Variants in CABCOCO1 observed in about 807,000 individuals in gnomAD.
The protein encoded by CABCOCO1 is ciliary associated calcium binding coiled-coil 1.
A neutral mutation model predicts 35.7 loss-of-function variants in CABCOCO1; 28 were observed. The observed-to-expected ratio is 0.78, with a 90% CI of 0.58 to 1.07. The LOEUF is 1.07. Ranked by LOEUF, CABCOCO1 falls within the 50% of genes least tolerant of loss-of-function variation. CABCOCO1 has a pLI of 0.00. For synonymous variants in CABCOCO1, 95 were observed against 100.1 expected (o/e 0.95, Z 0.30); for missense variants, 326 against 309.2 (o/e 1.05, Z -0.41).
intron 5 of CABCOCO1, among the ~76,000 whole-genome samples, chr10:61,750,315 GCCTGT>G (rs1259855990): frequency 6.6e-6 from 1 of 152,220 alleles, no homozygotes; most frequent in Non-Finnish European, 1.5e-5. Flanking sequence ...AGTGGCTCAT[GCCTGT>G]CATCCCAGCA....
rs537081315 is a variant in CABCOCO1, at chr10:61,766,615, G to T, written c.*602G>T. On this transcript the variant is annotated 3_prime_UTR_variant, in exon 8 of 8. Transcript: ENST00000648843. Reference sequence around the variant, plus strand: ...AGTTTGAAGCACTTTAATTTATTCTGTACTGTATTTGTTATTTCTAATCTT... The same window carrying T: ...AGTTTGAAGCACTTTAATTTATTCTTTACTGTATTTGTTATTTCTAATCTT... The T allele has an allele frequency of 2.0e-5, 3 of 150,340 alleles. No homozygotes were observed. Among genetic ancestry groups the T allele is most frequent in the East Asian group, 2.0e-4 (1 of 5,116 alleles). 9.3% of individuals were successfully genotyped at this position (150,340 alleles called of 1,614,324 possible).
intron 5 of CABCOCO1, among the ~76,000 whole-genome samples, chr10:61,691,719 C>T (rs1019989438): frequency 6.6e-6 from 1 of 152,066 alleles, no homozygotes; most frequent in Non-Finnish European, 1.5e-5. Context: ...GTTCAACTCC[C>T]ACTTATGAGT....
At chr10:61,687,575 T>G (rs1173388460) in intron 4 of CABCOCO1, among the ~76,000 whole-genome samples, 1 of 152,146 alleles carries the variant, frequency 6.6e-6, no homozygotes, top group Non-Finnish European at 1.5e-5. Context: ...AATGACCCCT[T>G]CTGGAAGGAG....
chr10:61,750,809 T>C lies in CABCOCO1; in HGVS notation c.553-9250T>C, dbSNP rs567828453. Among the ~76,000 whole-genome samples, 58 of 152,266 alleles carry C rather than the reference T, an allele frequency of 3.8e-4. 1 individual carries two copies. In the South Asian group the frequency reaches 0.012, roughly 32 times the overall value. ...ACAAACTAGGCAGCCCTGAAGATTT[T>C]TAGATGAATGGATAGATACTCTGAT... On this transcript the variant is annotated intron_variant, in intron 5 of 7. Transcript: ENST00000648843.
At chr10:61,749,263 G>A (rs967897261) in intron 5 of CABCOCO1, among the ~76,000 whole-genome samples, 7 of 152,140 alleles carry the variant, frequency 4.6e-5, no homozygotes, top group African/African-American at 7.2e-5. Context: ...TTGGTCACAC[G>A]ACCATCCTCA....
chr10:61,762,111 T>C (rs756282467), intron 7 of CABCOCO1, among the ~76,000 whole-genome samples: 3 of 152,134 alleles, frequency 2.0e-5, no homozygotes, highest in Admixed American at 1.3e-4. Context: ...TTAGATCTGA[T>C]AACATTTCAT....
chr10:61,722,584 T>C (rs1351678202), intron 5 of CABCOCO1, among the ~76,000 whole-genome samples: 1 of 151,830 alleles, frequency 6.6e-6, no homozygotes, highest in Non-Finnish European at 1.5e-5. Flanking sequence ...CAGAAGAAAG[T>C]CATTAACGAT....
intron 7 of CABCOCO1, among the ~76,000 whole-genome samples, chr10:61,764,226 A>G (rs1209895484): frequency 2.0e-5 from 3 of 152,122 alleles, no homozygotes; most frequent in Non-Finnish European, 4.4e-5. Flanking sequence ...AGTGGGAAGA[A>G]TCGATTGTTT....
intron 5 of CABCOCO1, among the ~76,000 whole-genome samples, chr10:61,757,185 G>A (rs1199378643): frequency 6.6e-6 from 1 of 151,058 alleles, no homozygotes; most frequent in Non-Finnish European, 1.5e-5. Context: ...GTATTTTCTG[G>A]CTCTGGGCTC....
At chr10:61,714,562 T>A (rs774460763) in intron 5 of CABCOCO1, among the ~76,000 whole-genome samples, 3 of 152,200 alleles carry the variant, frequency 2.0e-5, no homozygotes, top group Non-Finnish European at 4.4e-5. Context: ...AGCTTTTGAA[T>A]TTGTTTGTTC....
chr10:61,673,192 C>T (rs1437345908), intron 2 of CABCOCO1, among the ~76,000 whole-genome samples: 1 of 152,168 alleles, frequency 6.6e-6, no homozygotes, highest in Non-Finnish European at 1.5e-5. Context: ...TAATGCTATA[C>T]TAAGTACTCT....
At chr10:61,745,621 G>C (rs1190518270) in intron 5 of CABCOCO1, among the ~76,000 whole-genome samples, 1 of 152,120 alleles carries the variant, frequency 6.6e-6, no homozygotes, top group African/African-American at 2.4e-5. Flanking sequence ...CAGAAATCCT[G>C]CCTATGCCAT....
At chr10:61,756,048 A>C (rs1402924235) in intron 5 of CABCOCO1, among the ~76,000 whole-genome samples, 1 of 151,960 alleles carries the variant, frequency 6.6e-6, no homozygotes, top group African/African-American at 2.4e-5. Flanking sequence ...TTACGATTTT[A>C]TTTGCCATGT....
intron 5 of CABCOCO1, among the ~76,000 whole-genome samples, chr10:61,708,877 T>G (rs1267867428): frequency 6.6e-6 from 1 of 152,176 alleles, no homozygotes; most frequent in African/African-American, 2.4e-5. Context: ...TTGTCCAATT[T>G]GTATTTCAAG....
chr10:61,704,092 C>T (rs1190745296), intron 5 of CABCOCO1, among the ~76,000 whole-genome samples: 1 of 151,918 alleles, frequency 6.6e-6, no homozygotes, highest in Non-Finnish European at 1.5e-5. Flanking sequence ...GGCGTGGTGG[C>T]AGGCACCTGC....
chr10:61,760,321 G>C, intron 6 of CABCOCO1, 140 bp downstream of exon 6: 1 of 1,199,146 alleles, frequency 8.3e-7, no homozygotes. Flanking sequence ...TCTAAGTGTT[G>C]ATTCAAAGAT....
At chr10:61,711,629 C>T (rs889802436) in intron 5 of CABCOCO1, among the ~76,000 whole-genome samples, 2 of 151,934 alleles carry the variant, frequency 1.3e-5, no homozygotes, top group African/African-American at 4.8e-5. Flanking sequence ...AATTTGACAT[C>T]ATTGACATTT....
intron 4 of CABCOCO1, among the ~76,000 whole-genome samples, chr10:61,689,749 T>G (rs1317914080): frequency 6.6e-6 from 1 of 152,190 alleles, no homozygotes; most frequent in African/African-American, 2.4e-5. Context: ...AGTCTATTAA[T>G]TTTCTCAACC....
chr10:61,698,743 G>A (rs1205622831), intron 5 of CABCOCO1, among the ~76,000 whole-genome samples: 3 of 151,978 alleles, frequency 2.0e-5, no homozygotes, highest in South Asian at 2.1e-4. Context: ...TAGCTTTGTG[G>A]CAGAAAATAA....
Sources: allele counts gnomAD v4.1 joint callset (sites outside exome capture counted in the v4.1 genomes callset), GRCh38; gene constraint gnomAD v4.1.1; transcripts MANE v1.5; gene names NCBI Gene and HGNC (gene_info 2026-07-23, HGNC 2026-07-21).